Variants in ATF7IP2 observed in about 807,000 individuals in gnomAD.
ATF7IP2 encodes activating transcription factor 7 interacting protein 2, also known as activating transcription factor 7-interacting protein 2.
Under a neutral mutation model 64.2 loss-of-function variants are expected in ATF7IP2, and 42 were observed. That is an observed-to-expected ratio of 0.65 (90% CI 0.51 to 0.85). The LOEUF is 0.85. ATF7IP2 is among the 40% of genes least tolerant of loss of function. ATF7IP2 has a pLI of 0.00. For missense variants in ATF7IP2, 933 were observed against 784.2 expected (o/e 1.19, Z -2.27); for synonymous variants, 308 against 272.8 (o/e 1.13, Z -1.27).
At chr16:10,394,828 A>G (rs1433472997) in intron 1 of ATF7IP2, among the ~76,000 whole-genome samples, 1 of 152,178 alleles carries the variant, frequency 6.6e-6, no homozygotes, top group Non-Finnish European at 1.5e-5. Context: ...AAACATATCA[A>G]AGGTTTTGGA....
chr16:10,432,842 C>T (rs1233704421), intron 5 of ATF7IP2, among the ~76,000 whole-genome samples: 1 of 151,966 alleles, frequency 6.6e-6, no homozygotes, highest in South Asian at 2.1e-4. Context: ...CGTGCCACTT[C>T]ACTCTTGCCT....
At position 10,417,095 on chromosome 16, in the gene ATF7IP2, A is replaced by C. The variant is rs1167253803; in HGVS notation, c.-203+2483A>C. 2.0e-5 allele frequency among the ~76,000 whole-genome samples: 3 copies of C among 152,230 alleles called. No homozygotes were observed. In the East Asian group the frequency reaches 5.8e-4, roughly 29 times the overall value. Reference sequence around the variant, plus strand: ...ATCAGAGGTCATATAAAACAATCACATAAAGGAAGAGAAAGGAATCAAATG... The same window carrying C: ...ATCAGAGGTCATATAAAACAATCACCTAAAGGAAGAGAAAGGAATCAAATG... On this transcript the variant is annotated intron_variant, in intron 2 of 13. Coordinates refer to ENST00000562102, the MANE Select transcript of ATF7IP2 (RefSeq NM_001393719.1).
At chr16:10,426,198 T>TA (rs1449903867) in intron 3 of ATF7IP2, among the ~76,000 whole-genome samples, 1 of 152,236 alleles carries the variant, frequency 6.6e-6, no homozygotes, top group African/African-American at 2.4e-5. Flanking sequence ...AGGACAGTAT[T>TA]ACCATCTCAA....
At chr16:10,443,625 T>C (rs1160707064) in intron 8 of ATF7IP2, among the ~76,000 whole-genome samples, 1 of 152,230 alleles carries the variant, frequency 6.6e-6, no homozygotes. Context: ...CAATAGCTAC[T>C]TTAGTTTTGT....
At chr16:10,425,355 A>C (rs576486543) in intron 3 of ATF7IP2, among the ~76,000 whole-genome samples, 7 of 151,874 alleles carry the variant, frequency 4.6e-5, no homozygotes, top group Non-Finnish European at 7.4e-5. Context: ...CACAGGCGTG[A>C]GCCACTGTGC....
chr16:10,464,973 G>C (rs2142040074), intron 9 of ATF7IP2, among the ~76,000 whole-genome samples: 1 of 152,296 alleles, frequency 6.6e-6, no homozygotes, highest in African/African-American at 2.4e-5. Flanking sequence ...TGGGATTACA[G>C]GCATGTGTTG....
intron 9 of ATF7IP2, among the ~76,000 whole-genome samples, chr16:10,462,698 T>C (rs1044797131): frequency 2.0e-5 from 3 of 152,178 alleles, no homozygotes; most frequent in Admixed American, 6.5e-5. Context: ...AAATTTATAC[T>C]GATGGGGGCT....
intron 1 of ATF7IP2, among the ~76,000 whole-genome samples, chr16:10,398,768 G>A (rs1165627821): frequency 1.3e-5 from 2 of 152,028 alleles, no homozygotes; most frequent in Non-Finnish European, 2.9e-5. Flanking sequence ...CTGGGGGGTG[G>A]GGTTGAATAG....
At chr16:10,444,070 A>T (rs1488863865) in intron 8 of ATF7IP2, among the ~76,000 whole-genome samples, 2 of 152,158 alleles carry the variant, frequency 1.3e-5, no homozygotes, top group East Asian at 3.8e-4. Context: ...GGGCAAAGGT[A>T]CTTACCTGAA....
At chr16:10,399,894 T>G (rs1378735877) in intron 1 of ATF7IP2, among the ~76,000 whole-genome samples, 2 of 152,188 alleles carry the variant, frequency 1.3e-5, no homozygotes, top group Non-Finnish European at 2.9e-5. Flanking sequence ...GTATAGGAGG[T>G]CTTTGACCTC....
intron 1 of ATF7IP2, chr16:10,386,712 G>C (rs2047210699): frequency 6.6e-6 from 1 of 152,062 alleles, no homozygotes; most frequent in Admixed American, 6.6e-5. Flanking sequence ...GTGTAAGGAT[G>C]GTAGGATTTA....
chr16:10,413,205 C>T (rs1219995709), intron 1 of ATF7IP2, among the ~76,000 whole-genome samples: 1 of 152,152 alleles, frequency 6.6e-6, no homozygotes, highest in African/African-American at 2.4e-5. Flanking sequence ...CAAATCTCAA[C>T]TTGCATTGTA....
chr16:10,399,547 C>G (rs2047487070), intron 1 of ATF7IP2, among the ~76,000 whole-genome samples: 2 of 152,130 alleles, frequency 1.3e-5, no homozygotes, highest in South Asian at 4.1e-4. Flanking sequence ...ATCTGTATGT[C>G]TATTTCTATA....
At chr16:10,415,014 G>A (rs540156951) in intron 2 of ATF7IP2, among the ~76,000 whole-genome samples, 2 of 152,270 alleles carry the variant, frequency 1.3e-5, no homozygotes, top group African/African-American at 4.8e-5. Flanking sequence ...CATGTTTGTG[G>A]ATTAGAAAAA....
intron 1 of ATF7IP2, among the ~76,000 whole-genome samples, chr16:10,406,090 A>G (rs973827981): frequency 4.7e-5 from 7 of 148,872 alleles, no homozygotes; most frequent in Non-Finnish European, 7.5e-5. Context: ...ATCTGTCTCA[A>G]AAAAAAAAAA....
intron 2 of ATF7IP2, among the ~76,000 whole-genome samples, chr16:10,417,772 A>G (rs2047908579): frequency 6.6e-6 from 1 of 152,204 alleles, no homozygotes; most frequent in Admixed American, 6.5e-5. Flanking sequence ...CTGAATTCCA[A>G]ACTTCTCACA....
At chr16:10,423,901 T>C (rs2353911) in intron 3 of ATF7IP2, among the ~76,000 whole-genome samples, 120,928 of 152,130 alleles carry the variant, frequency 0.79, 48,921 homozygotes, top group African/African-American at 0.95. Flanking sequence ...CGTAGTTCCA[T>C]GTTCTCCAGT....
chr16:10,452,940 A>G (rs772717260), intron 8 of ATF7IP2, among the ~76,000 whole-genome samples: 19 of 152,080 alleles, frequency 1.2e-4, no homozygotes, highest in African/African-American at 4.6e-4. Context: ...CCCCTCACCA[A>G]GCTTGACCAT....
At chr16:10,437,450 T>C (rs963764767) in intron 6 of ATF7IP2, among the ~76,000 whole-genome samples, 16 of 152,228 alleles carry the variant, frequency 1.1e-4, no homozygotes, top group Admixed American at 3.9e-4. Flanking sequence ...TCTTACATAT[T>C]TACTTCTTTC....
Sources: gnomAD v4.1 joint callset for allele counts (sites outside exome capture counted in the v4.1 genomes callset) on GRCh38, gnomAD v4.1.1 for gene constraint, MANE v1.5 for transcripts, NCBI Gene and HGNC (gene_info 2026-07-23, HGNC 2026-07-21) for gene names.